The following PTPRG variants were observed in gnomAD, a reference collection of about 807,000 sequenced individuals.
PTPRG encodes the protein receptor-type tyrosine-protein phosphatase gamma.
Under a neutral mutation model 165.3 loss-of-function variants are expected in PTPRG, and 102 were observed. The ratio of observed to expected loss-of-function variants is 0.62; its 90% confidence interval spans 0.53 to 0.73. PTPRG has a LOEUF of 0.73. Among genes scored for constraint, PTPRG ranks in the 30% least tolerant of loss-of-function variants. The pLI is 0.00. For synonymous variants in PTPRG, 675 were observed against 669.5 expected (o/e 1.01, Z -0.13); for missense variants, 1,866 against 1,861.4 (o/e 1.00, Z -0.05).
intron 4 of PTPRG, among the ~76,000 whole-genome samples, chr3:62,045,757 C>T (rs1013434539): frequency 1.3e-5 from 2 of 152,208 alleles, no homozygotes; most frequent in African/African-American, 4.8e-5. Context: ...TGAGCATCCC[C>T]TTCCCACTAA....
At chr3:61,736,171 G>T (rs1246753955) in intron 1 of PTPRG, among the ~76,000 whole-genome samples, 1 of 151,390 alleles carries the variant, frequency 6.6e-6, no homozygotes, top group African/African-American at 2.4e-5. Context: ...GCCTCCCAAA[G>T]TGCTAGGATT....
chr3:61,829,019 T>C (rs2036192778), intron 2 of PTPRG, among the ~76,000 whole-genome samples: 1 of 152,212 alleles, frequency 6.6e-6, no homozygotes, highest in African/African-American at 2.4e-5. Context: ...GTTATATAGA[T>C]ATATATCCTT....
At position 62,094,231 on chromosome 3, in the gene PTPRG, A is replaced by G. The variant is rs563567510; in HGVS notation, c.615+15973A>G. 2.0e-5 allele frequency among the ~76,000 whole-genome samples: 3 copies of G among 152,062 alleles called. No homozygotes were observed. The South Asian group carries it at 6.2e-4, about 32-fold the overall frequency. On this transcript the variant is annotated intron_variant, in intron 5 of 29. Coordinates refer to ENST00000474889, the MANE Select transcript of PTPRG (RefSeq NM_002841.4). ...GAACTTCAATATTAGGCTGCCTCCTACCCTCCTGGAAACTCCCTACCCCCT... is the reference window on the plus strand; with the variant it reads ...GAACTTCAATATTAGGCTGCCTCCTGCCCTCCTGGAAACTCCCTACCCCCT...
At chr3:62,235,508 G>C (rs368779913) in intron 14 of PTPRG, among the ~76,000 whole-genome samples, 23 of 152,186 alleles carry the variant, frequency 1.5e-4, no homozygotes, top group Non-Finnish European at 3.1e-4. Context: ...AGTATTACCA[G>C]TACTTCAGTC....
chr3:61,863,414 A>G (rs1229721988), intron 2 of PTPRG, among the ~76,000 whole-genome samples: 5 of 151,858 alleles, frequency 3.3e-5, no homozygotes, highest in African/African-American at 9.7e-5. Flanking sequence ...TTAGATAGGG[A>G]AAAAAAACTA....
chr3:61,796,145 A>G (rs927666106), intron 2 of PTPRG, among the ~76,000 whole-genome samples: 1 of 152,178 alleles, frequency 6.6e-6, no homozygotes, highest in Non-Finnish European at 1.5e-5. Flanking sequence ...TAGTGTCTCT[A>G]GGAGTCAAGG....
intron 2 of PTPRG, among the ~76,000 whole-genome samples, chr3:61,807,285 G>A (rs537023824): frequency 2.3e-4 from 35 of 152,320 alleles, no homozygotes; most frequent in African/African-American, 8.4e-4. Flanking sequence ...AACTTGATGA[G>A]CAAGTACATT....
At chr3:61,618,665 G>C (rs1296286155) in intron 1 of PTPRG, among the ~76,000 whole-genome samples, 1 of 152,056 alleles carries the variant, frequency 6.6e-6, no homozygotes, top group Non-Finnish European at 1.5e-5. Context: ...CTGTTAAAGG[G>C]GTTTAGCTCT....
chr3:62,286,423 T>A (rs1702662418), intron 28 of PTPRG, among the ~76,000 whole-genome samples: 2 of 152,174 alleles, frequency 1.3e-5, no homozygotes, highest in African/African-American at 4.8e-5. Context: ...ATCTTGGTTA[T>A]GATTTTAAAA....
chr3:61,754,685 C>T (rs991759212), intron 2 of PTPRG, among the ~76,000 whole-genome samples: 1 of 152,148 alleles, frequency 6.6e-6, no homozygotes, highest in African/African-American at 2.4e-5. Flanking sequence ...GGGTGATTTG[C>T]AAAAGGTTTC....
chr3:62,114,856 T>G (rs1702803439), intron 5 of PTPRG, among the ~76,000 whole-genome samples: 1 of 152,116 alleles, frequency 6.6e-6, no homozygotes, highest in Non-Finnish European at 1.5e-5. Flanking sequence ...TCCAGGTTGG[T>G]CTTGAACTCC....
intron 1 of PTPRG, among the ~76,000 whole-genome samples, chr3:61,717,443 T>TA (rs1249996388): frequency 1.3e-5 from 2 of 152,332 alleles, no homozygotes; most frequent in Non-Finnish European, 2.9e-5. Context: ...AGTAAATTGA[T>TA]ACACATACAC....
chr3:62,240,911 G>A lies in PTPRG; in HGVS notation c.2376-2896G>A, dbSNP rs1701145343. ...ATTTGAAGCAATTTATTTGCTTGTT[G>A]TGGATTTTTCCCCATGAAGACATAA... On this transcript the variant is annotated intron_variant, in intron 14 of 29. Transcript: ENST00000474889. The surrounding 1 kb of genome is among the most constrained non-coding windows in gnomAD (Gnocchi z 5.1). Among the ~76,000 whole-genome samples, 1 of 152,160 alleles carries A rather than the reference G, an allele frequency of 6.6e-6. No homozygotes were observed. Among genetic ancestry groups the A allele is most frequent in the South Asian group, 2.1e-4 (1 of 4,824 alleles).
chr3:61,981,268 C>T (rs2040638215), intron 2 of PTPRG, among the ~76,000 whole-genome samples: 1 of 152,174 alleles, frequency 6.6e-6, no homozygotes, highest in South Asian at 2.1e-4. Flanking sequence ...TTCCATGACA[C>T]ATGGAGATTA....
chr3:62,142,930 G>A (rs1178314758), intron 6 of PTPRG, among the ~76,000 whole-genome samples: 3 of 152,126 alleles, frequency 2.0e-5, no homozygotes, highest in African/African-American at 4.8e-5. Context: ...ACCATGGCCC[G>A]CATCATATAG....
At chr3:61,977,230 C>T (rs1004326504) in intron 2 of PTPRG, among the ~76,000 whole-genome samples, 2 of 151,234 alleles carry the variant, frequency 1.3e-5, no homozygotes, top group Non-Finnish European at 1.5e-5. Context: ...TTTACCTCAC[C>T]GGGAGCAAGA....
chr3:61,767,498 G>A (rs1000210497), intron 2 of PTPRG, among the ~76,000 whole-genome samples: 12 of 152,248 alleles, frequency 7.9e-5, no homozygotes, highest in African/African-American at 2.4e-4. Flanking sequence ...ATGTTTTACA[G>A]GATATTAAAT....
Position 61,772,396 on chromosome 3 carries a change from C to T in PTPRG, c.190+23414C>T, listed in dbSNP as rs574794147. 6.6e-5 allele frequency among the ~76,000 whole-genome samples: 10 copies of T among 151,814 alleles called. No individual in the cohort carries two copies. In the South Asian group the frequency reaches 8.3e-4, roughly 13 times the overall value. On this transcript the variant is annotated intron_variant, in intron 2 of 29. Transcript: ENST00000474889. ...CTGCTCATTCACATTACTCCTTTTC[C>T]GTAATGTCTAATTTTTGTATCATTA...
In PTPRG at chr3:62,273,063, C is replaced by T; in HGVS notation, c.3300C>T (p.Asn1100=). ...TGAAGCATATCAGGACACAGCGTAA[C>T]TACCTCGTCCAGACTGAGGTAAGGA... ...GFLKHIRTQR[N]YLVQTEEQYI... Residue 1100 remains asparagine (N), a synonymous_variant, in exon 22 of 30, where the codon AAC becomes AAT. Transcript: ENST00000474889. This position sits in a 1 kb window ranked among gnomAD's most constrained non-coding sequence, Gnocchi z 4.1. 1 of 1,612,702 alleles carries T rather than the reference C, an allele frequency of 6.2e-7. No homozygotes were observed. The highest frequency in any genetic ancestry group is 8.5e-7 in the Non-Finnish European group (1 of 1,179,464).
Sources: allele counts gnomAD v4.1 joint callset (sites outside exome capture counted in the v4.1 genomes callset), GRCh38; gene constraint gnomAD v4.1.1; non-coding constraint Gnocchi (gnomAD v3.1); transcripts MANE v1.5; gene names NCBI Gene and HGNC (gene_info 2026-07-23, HGNC 2026-07-21).